Variants in ATP13A2 observed in about 807,000 individuals in gnomAD.
ATP13A2 encodes the protein ATPase cation transporting 13A2, also known as polyamine-transporting ATPase 13A2.
Under a neutral mutation model 138.3 loss-of-function variants are expected in ATP13A2, and 83 were observed. The ratio of observed to expected loss-of-function variants is 0.60; its 90% CI spans 0.50 to 0.72. ATP13A2 has a LOEUF of 0.72. ATP13A2 is among the 30% of genes least tolerant of loss of function. The pLI is 0.00. For missense variants in ATP13A2, 1,402 were observed against 1,606.4 expected (o/e 0.87, Z 2.17); for synonymous variants, 663 against 699.0 (o/e 0.95, Z 0.81).
intron 11 of ATP13A2, among the ~76,000 whole-genome samples, chr1:16,999,054 T>C (rs976930954): frequency 6.6e-6 from 1 of 152,020 alleles, no homozygotes; most frequent in Non-Finnish European, 1.5e-5. Flanking sequence ...ATCTGGAATC[T>C]TTATGACCTG....
At chr1:16,996,877 G>A (rs1570831177) in intron 12 of ATP13A2, 143 bp downstream of exon 12, 5 of 1,058,118 alleles carry the variant, frequency 4.7e-6, no homozygotes, top group African/African-American at 1.6e-5. Flanking sequence ...CAGATGGGGG[G>A]CAACTGGCCC....
intron 11 of ATP13A2, among the ~76,000 whole-genome samples, chr1:16,997,412 A>C (rs1322109767): frequency 2.0e-5 from 1 of 50,802 alleles, no homozygotes. Context: ...CCCTGGAACC[A>C]GCGGGGGGGG....
chr1:16,994,657 T>C (rs901799423), intron 15 of ATP13A2, among the ~76,000 whole-genome samples: 1 of 151,832 alleles, frequency 6.6e-6, no homozygotes, highest in Admixed American at 6.6e-5. Flanking sequence ...GTCATCCCCC[T>C]CCCCGGTTTA....
intron 7 of ATP13A2, 83 bp downstream of exon 7, chr1:17,002,213 C>T: frequency 6.3e-7 from 1 of 1,581,092 alleles, no homozygotes; most frequent in Non-Finnish European, 8.6e-7. Flanking sequence ...CCAGAGAAGG[C>T]AGGTGACTGG....
chr1:17,008,434 G>T (rs184593855), intron 1 of ATP13A2, among the ~76,000 whole-genome samples: 1 of 152,284 alleles, frequency 6.6e-6, no homozygotes, highest in Admixed American at 6.5e-5. Flanking sequence ...TCATCTCTAG[G>T]ATGATAGTCC....
intron 1 of ATP13A2, among the ~76,000 whole-genome samples, chr1:17,006,514 G>T (rs2077567566): frequency 6.6e-6 from 1 of 152,144 alleles, no homozygotes; most frequent in Non-Finnish European, 1.5e-5. Flanking sequence ...GCCTCCCAAA[G>T]TGCTGGGATT....
chr1:16,996,015 G>A lies in ATP13A2; in HGVS notation c.1503C>T (p.Ile501=). 6.2e-7 allele frequency: 1 copy of A among 1,614,092 alleles called. No homozygotes were observed. The highest frequency in any genetic ancestry group is 8.5e-7 in the Non-Finnish European group (1 of 1,180,038). Residue 501 remains isoleucine, a synonymous_variant, in exon 15 of 29, where the codon ATC becomes ATT. Transcript: ENST00000326735. The part of the protein sequence containing the change: ...QGIFCIHPLR[I]NLGGKLQLVC... Reference sequence around the variant, plus strand: ...CCAGCTGCAGCTTGCCCCCCAGGTTGATGCGCAGTGGGTGGATGCAGAAAA... The same window carrying A: ...CCAGCTGCAGCTTGCCCCCCAGGTTAATGCGCAGTGGGTGGATGCAGAAAA...
rs772446950 is a variant in ATP13A2 at position 16,996,286 on chromosome 1, T to A, written c.1321A>T (p.Ile441Phe). The A allele has an allele frequency of 1.2e-5, 20 of 1,614,084 alleles. 1 individual carries two copies. The South Asian group carries it at 2.1e-4, about 17-fold the overall frequency. ...ALSVLALLGT[I>F]YSIFILYRNR... ...CGGTAGAGGATGAAGATGCTGTAGA[T>A]GGTGCCGAGGAGAGCTGTGGGGACA... The change falls in exon 14 of 29, where the codon ATC becomes TTC. Residue 441 changes from isoleucine (I) to phenylalanine (F), a missense_variant. Transcript: ENST00000326735.
In ATP13A2 at chr1:17,004,268, C is replaced by T. The variant is rs569221717; in HGVS notation, c.557+64G>A. 32 of 1,534,892 alleles carry T rather than the reference C, an allele frequency of 2.1e-5. No individual in the cohort carries two copies. The highest frequency in any genetic ancestry group is 6.8e-5 in the African/African-American group (5 of 73,000). On this transcript the variant is annotated intron_variant, in intron 6 of 28. Coordinates refer to ENST00000326735, the MANE Select transcript of ATP13A2 (RefSeq NM_022089.4). This position sits in a 1 kb window ranked among gnomAD's most constrained non-coding sequence, Gnocchi z 4.1. ...GGGAGCCCAGGCCATGCCATGCCAC[C>T]GTCTGTGCCCAAACCAGTGCCACTC...
chr1:17,005,609 A>G (rs1210339390), intron 2 of ATP13A2, 53 bp from the exon 3 acceptor site: 1 of 1,613,608 alleles, frequency 6.2e-7, no homozygotes, highest in Non-Finnish European at 8.5e-7. Context: ...GGGCTGGAGT[A>G]GGAAGTTGGG....
rs893985839 is a variant in ATP13A2 at position 16,993,748 on chromosome 1, G to A, written c.1630C>T (p.Arg544Cys). ...AGCAGGGGCCCCACAGGCAGGCGGC[G>A]AGGCTCTGGGACCAGGGGCAGGAAT... is the stretch of plus-strand genomic sequence containing the variant. ...QAFLPLVPEP[R>C]RLPVGPLLRA... is the part of the protein sequence containing the mutation. The change falls in exon 16 of 29, where the codon CGC becomes TGC. Residue 544 changes from arginine (R) to cysteine (C), a missense_variant. By Grantham distance (180) the Arg-to-Cys change is radical (BLOSUM62 -3). Coordinates refer to ENST00000326735, the MANE Select transcript of ATP13A2 (RefSeq NM_022089.4). 2.1e-5 allele frequency: 33 copies of A among 1,590,754 alleles called. 1 individual carries two copies. Among genetic ancestry groups the A allele is most frequent in the African/African-American group, 6.7e-5 (5 of 74,498 alleles).
In ATP13A2 at chr1:17,002,313, G is replaced by C. The variant is rs1183877016; in HGVS notation, c.618C>G (p.Leu206=). ...GCACTGACCTCACCATTTGGTCCTG[G>C]AGGCTGAGGCCATGGCGGGAGCGGT... ...DVHRSRHGLS[L]QDQMVRKAIY... Residue 206 remains leucine, a synonymous_variant, in exon 7 of 29, where the codon CTC becomes CTG. Coordinates refer to ENST00000326735, the MANE Select transcript of ATP13A2 (RefSeq NM_022089.4). 1.2e-6 allele frequency: 2 copies of C among 1,613,644 alleles called. No individual in the cohort carries two copies. The highest frequency in any genetic ancestry group is 2.7e-5 in the African/African-American group (2 of 74,952).
At chr1:16,993,544 C>A (rs1388263117) in intron 16 of ATP13A2, 85 bp downstream of exon 16, 6 of 1,347,426 alleles carry the variant, frequency 4.5e-6, no homozygotes, top group Non-Finnish European at 6.1e-6. Flanking sequence ...AGAGACCACC[C>A]TGAAAGATGG....
At position 16,993,717 on chromosome 1, in the gene ATP13A2, G is replaced by T; in HGVS notation, c.1661C>A (p.Ala554Glu). The T allele has an allele frequency of 6.3e-7, 1 of 1,593,638 alleles. No individual in the cohort carries two copies. Among genetic ancestry groups the T allele is most frequent in the Non-Finnish European group, 8.5e-7 (1 of 1,170,832 alleles). The change falls in exon 16 of 29, where the codon GCA becomes GAA. Residue 554 changes from alanine to glutamate, a missense_variant. Transcript: ENST00000326735. Reference protein sequence around the residue: ...RRLPVGPLLRALATCHALSRL... With the variant: ...RRLPVGPLLRELATCHALSRL... ...GCTGAGGGCATGGCAGGTGGCCAGTGCTCGGAGCAGGGGCCCCACAGGCAG... is the reference window on the plus strand; with the variant it reads ...GCTGAGGGCATGGCAGGTGGCCAGTTCTCGGAGCAGGGGCCCCACAGGCAG...
In ATP13A2 at chr1:16,986,591, C is replaced by G. The variant is rs1057522952; in HGVS notation, c.3277G>C (p.Val1093Leu). The G allele has an allele frequency of 6.2e-7, 1 of 1,611,572 alleles. No homozygotes were observed. Among genetic ancestry groups the G allele is most frequent in the Non-Finnish European group, 8.5e-7 (1 of 1,179,722 alleles). The change falls in exon 28 of 29, where the codon GTG becomes CTG. Residue 1093 changes from valine (V) to leucine (L), a missense_variant. Coordinates refer to ENST00000326735, the MANE Select transcript of ATP13A2 (RefSeq NM_022089.4). This position sits in a 1 kb window ranked among gnomAD's most constrained non-coding sequence, Gnocchi z 6.9. ...AGGCCGGGGACCAGGACAAGGCCCA[C>G]CAGGACGGAGCTCAGGAGCGCCAGG... ...VALALLSSVL[V>L]GLVLVPGLLQ...
intron 1 of ATP13A2, among the ~76,000 whole-genome samples, chr1:17,008,445 C>T (rs913715564): frequency 5.9e-5 from 9 of 152,156 alleles, no homozygotes; most frequent in South Asian, 2.1e-4. Context: ...ATGATAGTCC[C>T]GAAGCATCCA....
Position 17,004,275 on chromosome 1 carries a change from G to T in ATP13A2, c.557+57C>A. 2 of 1,562,838 alleles carry T rather than the reference G, an allele frequency of 1.3e-6. No homozygotes were observed. The highest frequency in any genetic ancestry group is 2.3e-5 in the East Asian group (1 of 43,280). On this transcript the variant is annotated intron_variant, in intron 6 of 28. Coordinates refer to ENST00000326735, the MANE Select transcript of ATP13A2 (RefSeq NM_022089.4). This position sits in a 1 kb window ranked among gnomAD's most constrained non-coding sequence, Gnocchi z 4.1. ...CAGGCCATGCCATGCCACCGTCTGTGCCCAAACCAGTGCCACTCTGGGAGG... is the reference window on the plus strand; with the variant it reads ...CAGGCCATGCCATGCCACCGTCTGTTCCCAAACCAGTGCCACTCTGGGAGG...
chr1:16,992,141 A>G lies in ATP13A2; in HGVS notation c.2006-12T>C. The G allele has an allele frequency of 6.2e-7, 1 of 1,612,512 alleles. No homozygotes were observed. The highest frequency in any genetic ancestry group is 8.5e-7 in the Non-Finnish European group (1 of 1,178,972). The stretch of plus-strand genomic sequence containing the variant: ...GAAGTCGGTGGGCACTGCCAGGGAG[A>G]GGCAGGTGTCACAAGGAGGGGATGG... On this transcript the variant is annotated splice_polypyrimidine_tract_variant and intron_variant, in intron 18 of 28. Transcript: ENST00000326735.
In ATP13A2 at chr1:16,996,451, G is replaced by A; in HGVS notation, c.1241C>T (p.Pro414Leu). 6.2e-7 allele frequency: 1 copy of A among 1,614,116 alleles called. No individual in the cohort carries two copies. The highest frequency in any genetic ancestry group is 8.5e-7 in the Non-Finnish European group (1 of 1,180,020). ...KGGLVSSILH[P>L]RPINFKFYKH... ...ATAGAACTTGAAGTTGATGGGCCGG[G>A]GGTGCAAGATGGAGCTCACCAGGCC... The change falls in exon 13 of 29, where the codon CCC (proline) becomes CTC (leucine). Residue 414 changes from proline to leucine, a missense_variant. By Grantham distance (98) the Pro-to-Leu change is moderately conservative (BLOSUM62 -3). Coordinates refer to ENST00000326735, the MANE Select transcript of ATP13A2 (RefSeq NM_022089.4).
Sources: allele counts gnomAD v4.1 joint callset (sites outside exome capture counted in the v4.1 genomes callset), GRCh38; gene constraint gnomAD v4.1.1; non-coding constraint Gnocchi (gnomAD v3.1); transcripts MANE v1.5; gene names NCBI Gene and HGNC (gene_info 2026-07-23, HGNC 2026-07-21).